The following TARDBP variants were observed in gnomAD, a reference collection of about 807,000 sequenced individuals.
TARDBP encodes TAR DNA binding protein.
Under a neutral mutation model 38.3 loss-of-function variants are expected in TARDBP, and 4 were observed. The observed-to-expected ratio is 0.10, with a 90% CI of 0.05 to 0.24. The LOEUF is 0.24. TARDBP is among the 10% of genes least tolerant of loss of function. The pLI is 1.00. For missense variants in TARDBP, 202 were observed against 521.9 expected, an observed-to-expected ratio of 0.39 and a Z score of 5.97; for synonymous variants, 184 against 183.8, an observed-to-expected ratio of 1.00 and a Z score of -0.01.
chr1:11,030,130 C>G, downstream of TARDBP: 1 of 1,417,676 alleles, frequency 7.1e-7, no homozygotes, highest in South Asian at 1.2e-5. Context: ...CTACCCAGTC[C>G]TCCTTTCCAT....
Position 11,023,025 on chromosome 1 carries a change from T to C in TARDBP, c.*371T>C. 1 of 1,431,084 alleles carries C rather than the reference T, an allele frequency of 7.0e-7. No homozygotes were observed. The highest frequency in any genetic ancestry group is 3.0e-5 in the Admixed American group (1 of 33,602). The allele number at this position is 1,431,084 out of a possible 1,614,324, so 88.6% of individuals were successfully genotyped here. A position where few individuals can be genotyped will look rare whatever the true frequency, so the allele number is the denominator to read the frequency against. On this transcript the variant is annotated 3_prime_UTR_variant, in exon 6 of 6. Coordinates refer to ENST00000240185, the MANE Select transcript of TARDBP (RefSeq NM_007375.4). ...AACCATTGATTAGAACTACATTCTTTACCCCTTGTTTTAATTTGAACCCCA... is the reference window on the plus strand; with the variant it reads ...AACCATTGATTAGAACTACATTCTTCACCCCTTGTTTTAATTTGAACCCCA...
At chr1:11,019,069 A>C in intron 4 of TARDBP, 196 bp downstream of exon 4, 1 of 682,000 alleles carries the variant, frequency 1.5e-6, no homozygotes, top group Admixed American at 2.6e-5. Context: ...TTACTTCTCC[A>C]AACTAAACCT....
At chr1:11,018,653 G>A (rs772847312) in intron 3 of TARDBP, 80 bp from the exon 4 acceptor site, 134 of 1,601,998 alleles carry the variant, frequency 8.4e-5, no homozygotes, top group Non-Finnish European at 1.1e-4. Context: ...CATTCAAATT[G>A]TTTTCTAAGG....
downstream of TARDBP, among the ~76,000 whole-genome samples, chr1:11,028,697 G>GTTT (rs1208974169): frequency 0.011 from 387 of 36,066 alleles, 17 homozygotes; most frequent in African/African-American, 0.037. Context: ...ATCTTTCTGG[G>GTTT]TTTTTTTTCT....
At chr1:11,017,464 G>T (rs1643550671) in intron 3 of TARDBP, among the ~76,000 whole-genome samples, 1 of 152,120 alleles carries the variant, frequency 6.6e-6, no homozygotes, top group Non-Finnish European at 1.5e-5. Flanking sequence ...GCCTCCCAAA[G>T]TGCTGGGATT....
At chr1:11,013,076 C>G (rs993179828) in intron 1 of TARDBP, among the ~76,000 whole-genome samples, 3 of 152,200 alleles carry the variant, frequency 2.0e-5, no homozygotes, top group Non-Finnish European at 4.4e-5. Context: ...CACCCCGGGC[C>G]GCGCCGAGAA....
chr1:11,025,495 T>G (rs1291037103), downstream of TARDBP: 1 of 152,188 alleles, frequency 6.6e-6, no homozygotes, highest in Non-Finnish European at 1.5e-5. Context: ...ACACCACAGT[T>G]TAGTGTCTGG....
rs753813187 is a variant in TARDBP at position 11,022,432 on chromosome 1, C to T, written c.1023C>T (p.Ala341=). 2.5e-6 allele frequency: 4 copies of T among 1,613,850 alleles called. No homozygotes were observed. The highest frequency in any genetic ancestry group is 3.4e-6 in the Non-Finnish European group (4 of 1,179,758). The change falls in exon 6 of 6, where the codon GCC becomes GCT. Residue 341 remains alanine (A), a synonymous_variant. Transcript: ENST00000240185. This position sits in a 1 kb window ranked among gnomAD's most constrained non-coding sequence, Gnocchi z 4.5. The part of the protein sequence containing the change: ...QSSWGMMGML[A]SQQNQSGPSG... ...GTTGGGGTATGATGGGCATGTTAGC[C>T]AGCCAGCAGAACCAGTCAGGCCCAT...
intron 4 of TARDBP, among the ~76,000 whole-genome samples, chr1:11,019,898 C>G (rs182269198): frequency 2.3e-4 from 29 of 128,442 alleles, no homozygotes; most frequent in African/African-American, 8.1e-4. Flanking sequence ...GAGTTTCACT[C>G]TTATTGCTCA....
At chr1:11,015,905 G>A (rs1409511882) in intron 2 of TARDBP, among the ~76,000 whole-genome samples, 1 of 150,460 alleles carries the variant, frequency 6.6e-6, no homozygotes, top group Non-Finnish European at 1.5e-5. Flanking sequence ...ACCACGCCTG[G>A]CTAATTTTTG....
intron 2 of TARDBP, among the ~76,000 whole-genome samples, chr1:11,014,884 A>G (rs1643484164): frequency 6.6e-6 from 1 of 151,670 alleles, no homozygotes. Flanking sequence ...TGCAGTGAGC[A>G]GAGATTGTGC....
chr1:11,020,330 T>C, intron 4 of TARDBP, 99 bp from the exon 5 acceptor site: 4 of 1,431,942 alleles, frequency 2.8e-6, no homozygotes, highest in Non-Finnish European at 3.9e-6. Context: ...GGTTCACTGC[T>C]ATCCAAGGCG....
chr1:11,027,982 G>A (rs188983549), downstream of TARDBP, among the ~76,000 whole-genome samples: 39 of 152,306 alleles, frequency 2.6e-4, no homozygotes, highest in African/African-American at 9.1e-4. Context: ...AGCACTTTGG[G>A]AGGCTGAGAT....
At chr1:11,019,777 A>G (rs1365744836) in intron 4 of TARDBP, among the ~76,000 whole-genome samples, 1 of 151,886 alleles carries the variant, frequency 6.6e-6, no homozygotes, top group Non-Finnish European at 1.5e-5. Flanking sequence ...CGTGTTAGCC[A>G]GGATGGTCTT....
rs1485364924 is a variant in TARDBP, at chr1:11,018,673, T to C, written c.403-60T>C. The C allele has an allele frequency of 4.3e-6, 7 of 1,611,226 alleles. No individual in the cohort carries two copies. In the African/African-American group the frequency reaches 8.0e-5, roughly 18 times the overall value. On this transcript the variant is annotated intron_variant, in intron 3 of 5. Coordinates refer to ENST00000240185, the MANE Select transcript of TARDBP (RefSeq NM_007375.4). ...AAATTGTTTTCTAAGGAACTATGAT[T>C]TGGGAATGGAGTGTGTGAGTATGTG...
In TARDBP at chr1:11,023,392, C is replaced by T. The variant is rs1245670589; in HGVS notation, c.*738C>T. The T allele has an allele frequency of 7.7e-6, 7 of 906,308 alleles. No individual in the cohort carries two copies. The highest frequency in any genetic ancestry group is 1.2e-5 in the Non-Finnish European group (7 of 590,790). The allele number at this position is 906,308 out of a possible 1,614,324, so 56.1% of individuals were successfully genotyped here. ...TGGAGTCGTATCAACGCTATGAACG[C>T]AAGGCTGTGATATGGAACCAGAAGG... On this transcript the variant is annotated 3_prime_UTR_variant, in exon 6 of 6. Transcript: ENST00000240185.
intron 3 of TARDBP, chr1:11,018,523 C>T: frequency 1.5e-6 from 1 of 653,640 alleles, no homozygotes; most frequent in Non-Finnish European, 2.6e-6. Flanking sequence ...AAAAACATTT[C>T]TGTTGTATAA....
At chr1:11,026,833 G>A (rs1643741203), downstream of TARDBP, 1 of 1,426,940 alleles carries the variant, frequency 7.0e-7, no homozygotes, top group African/African-American at 1.5e-5. Flanking sequence ...CGCTGCCAAG[G>A]TCTTCACAGG....
At chr1:11,026,693 AGTC>A, downstream of TARDBP, 3 of 427,492 alleles carry the variant, frequency 7.0e-6, no homozygotes. Context: ...TGTCCCCTTG[AGTC>A]AATGGGTAAG....
Sources: gnomAD v4.1 joint callset for allele counts (sites outside exome capture counted in the v4.1 genomes callset) on GRCh38, gnomAD v4.1.1 for gene constraint, Gnocchi (gnomAD v3.1) non-coding constraint, MANE v1.5 for transcripts, NCBI Gene and HGNC (gene_info 2026-07-23, HGNC 2026-07-21) for gene names.